The following GALNT18 variants were observed in gnomAD, a reference collection of about 807,000 sequenced individuals.
GALNT18 encodes polypeptide N-acetylgalactosaminyltransferase 18, also known as GalNAc-transferase 18.
In GALNT18, 44 loss-of-function variants were observed where a neutral mutation model predicts 69.5. The ratio of observed to expected loss-of-function variants is 0.63; its 90% CI spans 0.50 to 0.81. GALNT18 has a LOEUF of 0.81. GALNT18 is among the 40% of genes least tolerant of loss of function. The pLI, the probability that GALNT18 is intolerant of heterozygous loss-of-function variation, is 0.00. For synonymous variants in GALNT18, 364 were observed against 318.2 expected (o/e 1.14, Z -1.53); for missense variants, 715 against 810.0 (o/e 0.88, Z 1.42).
chr11:11,514,703 C>T (rs1466314206), intron 1 of GALNT18, among the ~76,000 whole-genome samples: 1 of 152,192 alleles, frequency 6.6e-6, no homozygotes, highest in Non-Finnish European at 1.5e-5. Flanking sequence ...CTGCTTCCAT[C>T]TGGCTGCTGG....
At position 11,389,361 on chromosome 11, in the gene GALNT18, T is replaced by C. The variant is rs963069847; in HGVS notation, c.596-10097A>G. The stretch of plus-strand genomic sequence containing the variant: ...CCTTGAGTAATTTAGCAAATGGGAA[T>C]GAGAATAATGAACTAATAGAAGTCA... On this transcript the variant is annotated intron_variant, in intron 3 of 10. Transcript: ENST00000227756. This position sits in a 1 kb window ranked among gnomAD's most constrained non-coding sequence, Gnocchi z 4.3. Among the ~76,000 whole-genome samples the C allele has an allele frequency of 6.6e-6, 1 of 152,152 alleles. No individual in the cohort carries two copies. Among genetic ancestry groups the C allele is most frequent in the Non-Finnish European group, 1.5e-5 (1 of 68,022 alleles).
chr11:11,570,796 T>A (rs1389495524), intron 1 of GALNT18, among the ~76,000 whole-genome samples: 1 of 152,142 alleles, frequency 6.6e-6, no homozygotes, highest in Non-Finnish European at 1.5e-5. Flanking sequence ...ACGAGCAGAG[T>A]CCCTGGCACA....
chr11:11,357,215 A>G (rs1350147970), intron 6 of GALNT18, among the ~76,000 whole-genome samples: 2 of 152,128 alleles, frequency 1.3e-5, no homozygotes, highest in Non-Finnish European at 2.9e-5. Flanking sequence ...CAGGCCCTAC[A>G]GTTCCCAGGA....
chr11:11,537,667 T>A (rs993932203), intron 1 of GALNT18, among the ~76,000 whole-genome samples: 5 of 152,186 alleles, frequency 3.3e-5, no homozygotes, highest in Non-Finnish European at 5.9e-5. Flanking sequence ...AACCCAGTCC[T>A]TGGACTTGCC....
intron 1 of GALNT18, among the ~76,000 whole-genome samples, chr11:11,554,063 A>C (rs1672008911): frequency 6.6e-6 from 1 of 152,182 alleles, no homozygotes; most frequent in South Asian, 2.1e-4. Context: ...GGCAAGGGGA[A>C]TCAATCTTCT....
chr11:11,410,224 C>T (rs1473703491), intron 3 of GALNT18, among the ~76,000 whole-genome samples: 1 of 152,168 alleles, frequency 6.6e-6, no homozygotes, highest in Non-Finnish European at 1.5e-5. Flanking sequence ...GGAGGGATTC[C>T]TGCTGTTTCT....
chr11:11,295,919 G>C lies in GALNT18; in HGVS notation c.1513-2726C>G, dbSNP rs1194716141. Among the ~76,000 whole-genome samples the C allele has an allele frequency of 2.0e-5, 3 of 152,120 alleles. No homozygotes were observed. In the East Asian group the frequency reaches 5.8e-4, roughly 29 times the overall value. ...CTCTTCAAAGCTATCCTGGGCAAGA[G>C]GTGGTTTGCTCATCAGAATCCTGAG... On this transcript the variant is annotated intron_variant, in intron 9 of 10. Coordinates refer to ENST00000227756, the MANE Select transcript of GALNT18 (RefSeq NM_198516.3).
intron 1 of GALNT18, among the ~76,000 whole-genome samples, chr11:11,524,458 C>G (rs1400905631): frequency 6.6e-6 from 1 of 152,180 alleles, no homozygotes; most frequent in East Asian, 1.9e-4. Context: ...GAACCTGTAA[C>G]TTGCTGTGAT....
In GALNT18 at chr11:11,564,327, C is replaced by T. The variant is rs910057193; in HGVS notation, c.235+57032G>A. 6.6e-6 allele frequency among the ~76,000 whole-genome samples: 1 copy of T among 152,200 alleles called. No homozygotes were observed. The highest frequency in any genetic ancestry group is 2.1e-4 in the South Asian group (1 of 4,824). On this transcript the variant is annotated intron_variant, in intron 1 of 10. Transcript: ENST00000227756. This position sits in a 1 kb window ranked among gnomAD's most constrained non-coding sequence, Gnocchi z 4.3. ...GTCCTAGAATGACAGGCACATACAT[C>T]CCTGGGAGTCTACATTCTGCTGGCA... is the stretch of plus-strand genomic sequence containing the variant.
In GALNT18 at chr11:11,497,327, A is replaced by AACACACACACACACACACACAC. The variant is rs61001797; in HGVS notation, c.236-48413_236-48392dup. On this transcript the variant is annotated intron_variant, in intron 1 of 10. Transcript: ENST00000227756. This position sits in a 1 kb window ranked among gnomAD's most constrained non-coding sequence, Gnocchi z 4.2. ...TATTTATGTTTTACCTCCTGTCTCCAACACACACACACACACACACACACA... is the reference window on the plus strand; with the variant it reads ...TATTTATGTTTTACCTCCTGTCTCCAACACACACACACACACACACACACACACACACACACACACACACACA... 8.4e-4 allele frequency among the ~76,000 whole-genome samples: 111 copies of AACACACACACACACACACACAC among 132,314 alleles called. No homozygotes were observed. Among genetic ancestry groups the AACACACACACACACACACACAC allele is most frequent in the East Asian group, 2.1e-3 (9 of 4,334 alleles). The allele number at this position is 132,314 out of a possible 152,430, so 86.8% of individuals were successfully genotyped here. A position where few individuals can be genotyped will look rare whatever the true frequency, so the allele number is the denominator to read the frequency against.
chr11:11,611,636 A>T (rs1246257124), intron 1 of GALNT18, among the ~76,000 whole-genome samples: 1 of 152,202 alleles, frequency 6.6e-6, no homozygotes, highest in African/African-American at 2.4e-5. Context: ...AAACAGGGAA[A>T]GTGTAAGGCA....
intron 1 of GALNT18, among the ~76,000 whole-genome samples, chr11:11,525,504 T>C (rs982615527): frequency 6.6e-6 from 1 of 151,906 alleles, no homozygotes; most frequent in African/African-American, 2.4e-5. Context: ...CAGGGAAGAA[T>C]GAGTAATACA....
intron 1 of GALNT18, among the ~76,000 whole-genome samples, chr11:11,554,635 T>C (rs1036425754): frequency 6.6e-6 from 1 of 152,162 alleles, no homozygotes; most frequent in South Asian, 2.1e-4. Flanking sequence ...TTTTCAAATG[T>C]ATTTGTTCAC....
At position 11,602,264 on chromosome 11, in the gene GALNT18, A is replaced by G. The variant is rs895321625; in HGVS notation, c.235+19095T>C. 3.9e-5 allele frequency among the ~76,000 whole-genome samples: 6 copies of G among 152,116 alleles called. No homozygotes were observed. Among genetic ancestry groups the G allele is most frequent in the Non-Finnish European group, 8.8e-5 (6 of 68,014 alleles). ...TCTCCTGTTATGAAACCTCCACCCT[A>G]CATGTGAGCCAGGGATAGGGGCAAT... On this transcript the variant is annotated intron_variant, in intron 1 of 10. Transcript: ENST00000227756. This position sits in a 1 kb window ranked among gnomAD's most constrained non-coding sequence, Gnocchi z 4.7.
rs1413872980 is a variant in GALNT18, at chr11:11,463,798, G to A, written c.236-14862C>T. Among the ~76,000 whole-genome samples, 3 of 152,328 alleles carry A rather than the reference G, an allele frequency of 2.0e-5. No homozygotes were observed. The highest frequency in any genetic ancestry group is 4.4e-5 in the Non-Finnish European group (3 of 68,034). ...CAAAATCCATTTCTTGAGCATGACG[G>A]TAAAAATATTTATCACATGAAAGAT... On this transcript the variant is annotated intron_variant, in intron 1 of 10. Coordinates refer to ENST00000227756, the MANE Select transcript of GALNT18 (RefSeq NM_198516.3). The surrounding 1 kb of genome is among the most constrained non-coding windows in gnomAD (Gnocchi z 4.2).
At chr11:11,466,589 C>T (rs1401460006) in intron 1 of GALNT18, among the ~76,000 whole-genome samples, 1 of 152,188 alleles carries the variant, frequency 6.6e-6, no homozygotes, top group Non-Finnish European at 1.5e-5. Flanking sequence ...CCTCCTTTGC[C>T]AGAATAGCTC....
At chr11:11,557,487 G>A (rs900135257) in intron 1 of GALNT18, among the ~76,000 whole-genome samples, 80 of 152,192 alleles carry the variant, frequency 5.3e-4, no homozygotes, top group African/African-American at 1.8e-3. Flanking sequence ...TCAGCTGGAA[G>A]GGCCCTGTCC....
chr11:11,280,620 C>T (rs1849052734), intron 10 of GALNT18, among the ~76,000 whole-genome samples: 1 of 152,198 alleles, frequency 6.6e-6, no homozygotes, highest in South Asian at 2.1e-4. Flanking sequence ...TTAACTTTCC[C>T]AGTTCCTGGT....
chr11:11,322,415 G>T (rs1218479448), intron 9 of GALNT18, among the ~76,000 whole-genome samples: 2 of 152,168 alleles, frequency 1.3e-5, no homozygotes, highest in Non-Finnish European at 2.9e-5. Flanking sequence ...TTTGTCCAAT[G>T]GTCCAGATAA....
Sources: allele counts gnomAD v4.1 joint callset (sites outside exome capture counted in the v4.1 genomes callset), GRCh38; gene constraint gnomAD v4.1.1; non-coding constraint Gnocchi (gnomAD v3.1); transcripts MANE v1.5; gene names NCBI Gene and HGNC (gene_info 2026-07-23, HGNC 2026-07-21).